Variants in MERTK observed in about 807,000 individuals in gnomAD.
The protein encoded by MERTK is tyrosine-protein kinase Mer.
A neutral mutation model predicts 99.3 loss-of-function variants in MERTK; 69 were observed. That is an observed-to-expected ratio of 0.70 (90% CI 0.57 to 0.85). MERTK has a LOEUF of 0.85. Ranked by LOEUF, MERTK falls within the 40% of genes least tolerant of loss-of-function variation. The pLI is 0.00. For missense variants in MERTK, 1,125 were observed against 1,249.4 expected (o/e 0.90, Z 1.50); for synonymous variants, 426 against 467.6 (o/e 0.91, Z 1.15).
In MERTK at chr2:112,003,970, T is replaced by C. The variant is rs1676926965; in HGVS notation, c.1853T>C (p.Val618Ala). Residue 618 changes from valine (V) to alanine (A), a missense_variant, in exon 13 of 19, where the codon GTG (valine) becomes GCG (alanine). Transcript: ENST00000295408. ...GATGGGACCTCTCTGAAAGTGGCAG[T>C]GAAGACCATGAAGTGTGAGTTATCA... ...QEDGTSLKVAVKTMKLDNSSQ... is the reference protein window; with the variant it reads ...QEDGTSLKVAAKTMKLDNSSQ... 1 of 1,612,776 alleles carries C rather than the reference T, an allele frequency of 6.2e-7. No individual in the cohort carries two copies. Among genetic ancestry groups the C allele is most frequent in the Non-Finnish European group, 8.5e-7 (1 of 1,178,910 alleles).
chr2:112,001,651 C>G (rs568579336), intron 11 of MERTK, among the ~76,000 whole-genome samples: 2 of 152,294 alleles, frequency 1.3e-5, no homozygotes, highest in East Asian at 3.9e-4. Flanking sequence ...GCAACCAACT[C>G]CGAGGATGAT....
chr2:111,933,927 G>T (rs535843781), intron 2 of MERTK, among the ~76,000 whole-genome samples: 1 of 138,504 alleles, frequency 7.2e-6, no homozygotes, highest in Non-Finnish European at 1.5e-5. Flanking sequence ...GTGTCCACGT[G>T]TTCTCATTGG....
intron 6 of MERTK, among the ~76,000 whole-genome samples, chr2:111,969,075 A>C (rs2104726408): frequency 6.6e-6 from 1 of 152,316 alleles, no homozygotes; most frequent in African/African-American, 2.4e-5. Context: ...AATGGGTATG[A>C]AACGGTGCTA....
At chr2:111,980,564 G>A (rs565417727) in intron 7 of MERTK, among the ~76,000 whole-genome samples, 64 of 151,894 alleles carry the variant, frequency 4.2e-4, no homozygotes, top group African/African-American at 1.4e-3. Context: ...GACTACAGGC[G>A]CCCGCCACCA....
At chr2:112,010,284 G>A (rs1677071226) in intron 15 of MERTK, 2 of 495,692 alleles carry the variant, frequency 4.0e-6, no homozygotes, top group Admixed American at 2.8e-5. Flanking sequence ...GTAAGTGGCT[G>A]CGTGCACAGT....
chr2:111,995,848 T>C (rs1418136754), intron 9 of MERTK, among the ~76,000 whole-genome samples: 1 of 152,116 alleles, frequency 6.6e-6, no homozygotes, highest in Non-Finnish European at 1.5e-5. Context: ...TGGTCCCAGC[T>C]ACTTGGGAGG....
In MERTK at chr2:111,989,704, A is replaced by G. The variant is rs529413672; in HGVS notation, c.1297-4547A>G. On this transcript the variant is annotated intron_variant, in intron 8 of 18. Transcript: ENST00000295408. ...TTGGGGATATTTAAGTCCTTTGATC[A>G]TTGAAAACAAGTACCACCGCAGTTG... Among the ~76,000 whole-genome samples the G allele has an allele frequency of 2.0e-5, 3 of 152,286 alleles. No homozygotes were observed. In the South Asian group the frequency reaches 6.2e-4, roughly 32 times the overall value.
chr2:111,972,413 G>C (rs1676141243), intron 6 of MERTK, among the ~76,000 whole-genome samples: 1 of 152,186 alleles, frequency 6.6e-6, no homozygotes, highest in Non-Finnish European at 1.5e-5. Context: ...GAGACGGCAG[G>C]TCTCAGTGAC....
intron 18 of MERTK, among the ~76,000 whole-genome samples, chr2:112,023,339 G>A (rs866449344): frequency 6.6e-5 from 10 of 152,208 alleles, no homozygotes; most frequent in African/African-American, 9.6e-5. Flanking sequence ...GCGTGAACCC[G>A]GGAGGCGGAG....
rs1204484550 is a variant in MERTK, at chr2:112,009,785, G to T, written c.1961-163G>T. On this transcript the variant is annotated intron_variant, in intron 14 of 18. Coordinates refer to ENST00000295408, the MANE Select transcript of MERTK (RefSeq NM_006343.3). ...GAAAAATACCAGTAGTGGACCCTGTGTGTGTTCCATTTTCTAGAACAGAGT... is the reference window on the plus strand; with the variant it reads ...GAAAAATACCAGTAGTGGACCCTGTTTGTGTTCCATTTTCTAGAACAGAGT... The T allele has an allele frequency of 1.2e-5, 8 of 677,640 alleles. No individual in the cohort carries two copies. In the East Asian group the frequency reaches 2.2e-4, roughly 18 times the overall value. The allele number at this position is 677,640 out of a possible 1,614,324, so 42.0% of individuals were successfully genotyped here.
chr2:111,971,283 T>G lies in MERTK; in HGVS notation c.960+3031T>G, dbSNP rs1051124409. On this transcript the variant is annotated intron_variant, in intron 6 of 18. Coordinates refer to ENST00000295408, the MANE Select transcript of MERTK (RefSeq NM_006343.3). ...AATAACCAACCTTTGATTTTGTGAA[T>G]TTTTTTCTATTGTTTTTGTATTCTA... Among the ~76,000 whole-genome samples the G allele has an allele frequency of 6.6e-5, 10 of 152,186 alleles. No individual in the cohort carries two copies. The East Asian group carries it at 1.3e-3, about 21-fold the overall frequency.
chr2:111,981,415 GTAT>G (rs1208509695), intron 7 of MERTK, among the ~76,000 whole-genome samples: 4 of 151,814 alleles, frequency 2.6e-5, no homozygotes, highest in African/African-American at 9.7e-5. Flanking sequence ...ATCAAAATTT[GTAT>G]TATTATTATT....
intron 1 of MERTK, among the ~76,000 whole-genome samples, chr2:111,927,238 A>G (rs575631144): frequency 6.6e-6 from 1 of 152,204 alleles, no homozygotes; most frequent in Non-Finnish European, 1.5e-5. Context: ...CCCAACATCA[A>G]AGGGGCCTGG....
intron 15 of MERTK, among the ~76,000 whole-genome samples, chr2:112,011,862 G>C (rs189478788): frequency 8.6e-4 from 131 of 152,364 alleles, no homozygotes; most frequent in African/African-American, 3.0e-3. Context: ...CATGACAGAT[G>C]TGGTTCCTGC....
intron 15 of MERTK, among the ~76,000 whole-genome samples, chr2:112,014,423 C>G (rs77018833): frequency 1.3e-5 from 2 of 152,048 alleles, no homozygotes; most frequent in Non-Finnish European, 2.9e-5. Context: ...CTCGGCCTCC[C>G]GAAGTGCTGG....
At chr2:111,950,978 C>T (rs1422418043) in intron 4 of MERTK, among the ~76,000 whole-genome samples, 1 of 152,000 alleles carries the variant, frequency 6.6e-6, no homozygotes, top group Non-Finnish European at 1.5e-5. Context: ...AGAGGTCTTA[C>T]AAGTCATTTG....
intron 18 of MERTK, among the ~76,000 whole-genome samples, chr2:112,023,142 C>A (rs138270572): frequency 0.024 from 3,673 of 152,128 alleles, 59 homozygotes; most frequent in Non-Finnish European, 0.039. Flanking sequence ...AGGCCGAGTG[C>A]GGTGGCTCAC....
At chr2:112,003,220 G>A in intron 12 of MERTK, 33 bp downstream of exon 12, 1 of 970,052 alleles carries the variant, frequency 1.0e-6, no homozygotes, top group Non-Finnish European at 1.7e-6. Context: ...TTTAAAATGT[G>A]GGATAAGAAG....
rs770826502 is a variant in MERTK at position 112,009,914 on chromosome 2, C to T, written c.1961-34C>T. ...GCTTTTCTGGTCACAGTAACAAGGACTCTTTGTAATTGATGCTGTGTTTGT... is the reference window on the plus strand; with the variant it reads ...GCTTTTCTGGTCACAGTAACAAGGATTCTTTGTAATTGATGCTGTGTTTGT... On this transcript the variant is annotated intron_variant, in intron 14 of 18. Coordinates refer to ENST00000295408, the MANE Select transcript of MERTK (RefSeq NM_006343.3). The T allele has an allele frequency of 1.1e-5, 16 of 1,495,774 alleles. No individual in the cohort carries two copies. In the South Asian group the frequency reaches 1.7e-4, roughly 16 times the overall value. The allele number at this position is 1,495,774 out of a possible 1,614,324, so 92.7% of individuals were successfully genotyped here. A position where few individuals can be genotyped will look rare whatever the true frequency, so the allele number is the denominator to read the frequency against.
Sources: allele counts gnomAD v4.1 joint callset (sites outside exome capture counted in the v4.1 genomes callset), GRCh38; gene constraint gnomAD v4.1.1; transcripts MANE v1.5; gene names NCBI Gene and HGNC (gene_info 2026-07-23, HGNC 2026-07-21).